The following WDPCP variants were observed in gnomAD, a reference collection of about 807,000 sequenced individuals.
The protein encoded by WDPCP is WD repeat-containing and planar cell polarity effector protein fritz homolog.
WDPCP carries 71 observed loss-of-function variants against 93.1 expected under a neutral mutation model. The ratio of observed to expected loss-of-function variants is 0.76; its 90% CI spans 0.63 to 0.93. WDPCP has a LOEUF of 0.93. Ranked by LOEUF, WDPCP falls within the 40% of genes least tolerant of loss-of-function variation. The pLI is 0.00. For missense variants in WDPCP, 844 were observed against 887.4 expected (o/e 0.95, Z 0.62); for synonymous variants, 315 against 315.0 (o/e 1.00, Z 0.00).
At chr2:63,290,314 C>T (rs1684312285) in intron 13 of WDPCP, among the ~76,000 whole-genome samples, 1 of 152,166 alleles carries the variant, frequency 6.6e-6, no homozygotes, top group African/African-American at 2.4e-5. Flanking sequence ...TCATACTGCA[C>T]CACTTCAGTT....
chr2:63,284,964 A>G (rs1207688519), intron 13 of WDPCP, among the ~76,000 whole-genome samples: 1 of 152,232 alleles, frequency 6.6e-6, no homozygotes, highest in East Asian at 1.9e-4. Flanking sequence ...CTAATAAACC[A>G]AAATAGAAGG....
At chr2:63,604,702 C>G in intron 3 of WDPCP, 1 of 1,613,034 alleles carries the variant, frequency 6.2e-7, no homozygotes, top group Non-Finnish European at 8.5e-7. Flanking sequence ...CTAGATTGCT[C>G]TTAAACTTGG....
At chr2:63,299,104 A>AT (rs1685124997) in intron 13 of WDPCP, among the ~76,000 whole-genome samples, 1 of 152,208 alleles carries the variant, frequency 6.6e-6, no homozygotes, top group Non-Finnish European at 1.5e-5. Flanking sequence ...GGAGAACGTC[A>AT]TTCCACACGT....
chr2:63,729,771 C>T (rs1357349327), intron 2 of WDPCP, among the ~76,000 whole-genome samples: 1 of 152,178 alleles, frequency 6.6e-6, no homozygotes, highest in African/African-American at 2.4e-5. Context: ...TTTCTGCACA[C>T]TAGTTATGTT....
chr2:63,274,215 A>G (rs148190291), intron 13 of WDPCP, among the ~76,000 whole-genome samples: 53 of 152,280 alleles, frequency 3.5e-4, no homozygotes, highest in African/African-American at 1.2e-3. Flanking sequence ...ATGTACAAAT[A>G]CAGGGAAATT....
chr2:63,642,465 T>TTC (rs1384424633), intron 3 of WDPCP: 2 of 148,962 alleles, frequency 1.3e-5, no homozygotes, highest in African/African-American at 4.9e-5. Flanking sequence ...TTTTCTTTCT[T>TTC]TTTTTTTTTT....
intron 1 of WDPCP, among the ~76,000 whole-genome samples, chr2:63,575,539 GTATATATAGTATATACAGTATATATACTA>G: frequency 7.2e-6 from 1 of 138,174 alleles, no homozygotes; most frequent in Non-Finnish European, 1.6e-5. Flanking sequence ...TATATACACT[GTATATATAGTATATACAGTATATATACTA>G]TATAACTAAA....
At chr2:63,260,551 T>C (rs1681536079) in intron 13 of WDPCP, among the ~76,000 whole-genome samples, 1 of 152,170 alleles carries the variant, frequency 6.6e-6, no homozygotes. Context: ...TAAGACTTTA[T>C]TTATTAATTT....
chr2:63,748,991 G>A (rs979620589), intron 2 of WDPCP, among the ~76,000 whole-genome samples: 2 of 152,042 alleles, frequency 1.3e-5, no homozygotes, highest in Non-Finnish European at 2.9e-5. Flanking sequence ...GTGAATTTGC[G>A]CTACAAATCT....
At chr2:63,676,812 C>T (rs930679526) in intron 2 of WDPCP, among the ~76,000 whole-genome samples, 15 of 142,578 alleles carry the variant, frequency 1.1e-4, no homozygotes, top group Admixed American at 2.1e-4. Flanking sequence ...CACACACACA[C>T]ATATGTACAC....
intron 6 of WDPCP, among the ~76,000 whole-genome samples, chr2:63,466,707 C>T (rs745895210): frequency 1.3e-5 from 2 of 152,078 alleles, no homozygotes; most frequent in East Asian, 1.9e-4. Context: ...GTAAAAGACA[C>T]GTGAAAAACA....
chr2:63,705,764 G>A (rs1026310699), intron 2 of WDPCP, among the ~76,000 whole-genome samples: 13 of 145,562 alleles, frequency 8.9e-5, no homozygotes, highest in African/African-American at 3.0e-4. Context: ...TGAGAAGAAT[G>A]TGTATTCTGT....
chr2:63,508,770 AG>A (rs889920834), intron 1 of WDPCP, among the ~76,000 whole-genome samples: 61 of 152,336 alleles, frequency 4.0e-4, no homozygotes, highest in African/African-American at 1.4e-3. Context: ...CAAAAAAAGC[AG>A]GGGTTGCAAT....
chr2:63,418,857 C>T (rs556124434), intron 9 of WDPCP, among the ~76,000 whole-genome samples: 16 of 152,288 alleles, frequency 1.1e-4, no homozygotes, highest in African/African-American at 3.8e-4. Context: ...AAGAAAAGCA[C>T]AGAAACACAG....
At chr2:63,819,008 C>CAT (rs907590320) in intron 1 of WDPCP, among the ~76,000 whole-genome samples, 2 of 152,016 alleles carry the variant, frequency 1.3e-5, no homozygotes, top group African/African-American at 2.4e-5. Context: ...TGTATACACA[C>CAT]ATATATATAA....
At chr2:63,365,035 T>C (rs1575236046) in intron 12 of WDPCP, among the ~76,000 whole-genome samples, 1 of 152,128 alleles carries the variant, frequency 6.6e-6, no homozygotes, top group South Asian at 2.1e-4. Context: ...GAGAGGCAGG[T>C]TGTAATTTGC....
chr2:63,684,456 G>A lies in WDPCP; in HGVS notation n.309-33618C>T, dbSNP rs548758127. On this transcript the variant is annotated intron_variant and non_coding_transcript_variant, in intron 2 of 4. Coordinates refer to the WDPCP transcript ENST00000467687. ...GTGGCTGGAATTGACTGCTACCCCC[G>A]CAAAGTGATAGCTGTCATGGGCAAG... The A allele has an allele frequency of 1.4e-4, 115 of 806,334 alleles. 1 individual carries two copies. The Middle Eastern group carries it at 1.5e-3, about 10-fold the overall frequency. 49.9% of individuals were successfully genotyped at this position (806,334 alleles called of 1,614,324 possible). A position where few individuals can be genotyped will look rare whatever the true frequency, so the allele number is the denominator to read the frequency against.
At chr2:63,287,628 G>A (rs779578317) in intron 13 of WDPCP, among the ~76,000 whole-genome samples, 21 of 152,014 alleles carry the variant, frequency 1.4e-4, no homozygotes, top group Non-Finnish European at 2.6e-4. Context: ...CACAAACTCT[G>A]GTCCATCAAA....
At chr2:63,619,048 T>G (rs996284117) in intron 3 of WDPCP, among the ~76,000 whole-genome samples, 1 of 152,194 alleles carries the variant, frequency 6.6e-6, no homozygotes, top group Non-Finnish European at 1.5e-5. Context: ...GAGGATCTAT[T>G]TCATCCTGAT....
Sources: allele counts gnomAD v4.1 joint callset (sites outside exome capture counted in the v4.1 genomes callset), GRCh38; gene constraint gnomAD v4.1.1; transcripts MANE v1.5; gene names NCBI Gene and HGNC (gene_info 2026-07-23, HGNC 2026-07-21).